RELN: variants seen among roughly 807,000 people sequenced by gnomAD.
RELN encodes the protein reelin.
Under a neutral mutation model 427.6 loss-of-function variants are expected in RELN, and 108 were observed. The ratio of observed to expected loss-of-function variants is 0.25; its 90% confidence interval spans 0.22 to 0.30. The LOEUF (loss-of-function observed/expected upper bound fraction) is 0.30, where lower values mean the gene tolerates loss of function less well. RELN is among the 10% of genes least tolerant of loss of function. The pLI is 1.00. For missense variants in RELN, 3,715 were observed against 4,302.8 expected, an observed-to-expected ratio of 0.86 and a Z score of 3.82; for synonymous variants, 1,524 against 1,513.4, an observed-to-expected ratio of 1.01 and a Z score of -0.16.
chr7:103,720,333 C>G (rs541589179), intron 8 of RELN, among the ~76,000 whole-genome samples: 1 of 151,968 alleles, frequency 6.6e-6, no homozygotes, highest in East Asian at 1.9e-4. Context: ...TGTTATGCAA[C>G]TGAAAATGTT....
At chr7:103,491,437 T>C (rs972594265) in intron 58 of RELN, among the ~76,000 whole-genome samples, 1 of 152,178 alleles carries the variant, frequency 6.6e-6, no homozygotes, top group Non-Finnish European at 1.5e-5. Context: ...AAATGGATTT[T>C]TTTGGTTTGA....
intron 2 of RELN, among the ~76,000 whole-genome samples, chr7:103,849,352 C>T (rs1233931702): frequency 6.6e-6 from 1 of 152,100 alleles, no homozygotes; most frequent in Non-Finnish European, 1.5e-5. Flanking sequence ...ATCCTTCTCA[C>T]CACTGCATTA....
chr7:103,626,232 G>A lies in RELN; in HGVS notation c.2702+3708C>T, dbSNP rs1319708818. Among the ~76,000 whole-genome samples the A allele has an allele frequency of 6.6e-6, 1 of 152,040 alleles. No individual in the cohort carries two copies. Among genetic ancestry groups the A allele is most frequent in the Non-Finnish European group, 1.5e-5 (1 of 67,974 alleles). ...CTTTAATTTTACAAGCTTCTAAGTG[G>A]CAGTGTGAGAATTTGAAATCAGGCC... On this transcript the variant is annotated intron_variant, in intron 20 of 64. Transcript: ENST00000428762. The surrounding 1 kb of genome is among the most constrained non-coding windows in gnomAD (Gnocchi z 4.4).
At chr7:103,868,452 A>G (rs535663030) in intron 2 of RELN, among the ~76,000 whole-genome samples, 15 of 152,206 alleles carry the variant, frequency 9.9e-5, no homozygotes, top group African/African-American at 2.9e-4. Flanking sequence ...GAAACTCCAC[A>G]TGAAATTGTT....
chr7:103,520,639 G>T (rs1829677861), intron 48 of RELN, among the ~76,000 whole-genome samples: 1 of 152,174 alleles, frequency 6.6e-6, no homozygotes, highest in Admixed American at 6.5e-5. Flanking sequence ...TAATTATACA[G>T]ATAATCTAAT....
chr7:103,503,346 C>T, intron 51 of RELN, 116 bp from the exon 52 acceptor site: 1 of 830,636 alleles, frequency 1.2e-6, no homozygotes, highest in Non-Finnish European at 2.0e-6. Context: ...CACATCCATC[C>T]TGTATTTTCA....
chr7:103,698,056 A>G lies in RELN; in HGVS notation c.940T>C (p.Tyr314His), dbSNP rs763000457. The change falls in exon 10 of 65, where the codon TAC becomes CAC. Residue 314 changes from tyrosine (Y) to histidine (H), a missense_variant. Tyr to His is a moderately conservative substitution (Grantham distance 83, BLOSUM62 2). Coordinates refer to ENST00000428762, the MANE Select transcript of RELN (RefSeq NM_005045.4). ...SNVSTIIHIL[Y>H]LPEDAKGENV... ...TCCCCTTTGGCGTCCTCAGGAAGGT[A>G]GAGGATATGGATGATTGTGCTGACA... 1.9e-6 allele frequency: 3 copies of G among 1,613,826 alleles called. No individual in the cohort carries two copies. The highest frequency in any genetic ancestry group is 2.5e-6 in the Non-Finnish European group (3 of 1,179,800).
rs537202055 is a variant in RELN at position 103,500,137 on chromosome 7, G to A, written c.8667+608C>T. On this transcript the variant is annotated intron_variant, in intron 53 of 64. Coordinates refer to ENST00000428762, the MANE Select transcript of RELN (RefSeq NM_005045.4). ...GTTATTGTAATGACAAATGCACTAT[G>A]TTTATTCACAGAAATAGAGTGCATA... is the stretch of plus-strand genomic sequence containing the variant. Among the ~76,000 whole-genome samples the A allele has an allele frequency of 7.2e-5, 11 of 152,260 alleles. No homozygotes were observed. In the South Asian group the frequency reaches 1.2e-3, roughly 17 times the overall value.
chr7:103,856,024 A>G (rs1793936048), intron 2 of RELN, among the ~76,000 whole-genome samples: 1 of 152,180 alleles, frequency 6.6e-6, no homozygotes, highest in Non-Finnish European at 1.5e-5. Context: ...GAACCCAAGG[A>G]ACTGCAGTGT....
At chr7:103,970,476 C>T (rs9632691) in intron 1 of RELN, among the ~76,000 whole-genome samples, 5 of 151,836 alleles carry the variant, frequency 3.3e-5, no homozygotes, top group Admixed American at 6.6e-5. Context: ...ATTTCTTTTT[C>T]TTTTTCTTTT....
intron 2 of RELN, among the ~76,000 whole-genome samples, chr7:103,888,281 A>G (rs1242650167): frequency 6.6e-6 from 1 of 151,900 alleles, no homozygotes; most frequent in East Asian, 1.9e-4. Flanking sequence ...CCTGAAATCA[A>G]GTAAGTATTT....
In RELN at chr7:103,872,526, G is replaced by A. The variant is rs113385191; in HGVS notation, c.338-38854C>T. Among the ~76,000 whole-genome samples, 812 of 118,798 alleles carry A rather than the reference G, an allele frequency of 6.8e-3. 3 individuals are homozygous for A. The highest frequency in any genetic ancestry group is 0.022 in the East Asian group (50 of 2,324). 77.9% of individuals were successfully genotyped at this position (118,798 alleles called of 152,430 possible). On this transcript the variant is annotated intron_variant, in intron 2 of 64. Transcript: ENST00000428762. ...GTGAATAATGCCACAATAAACATAC[G>A]TGTGCATGTGTCTTTATAGCGGCAT...
intron 51 of RELN, among the ~76,000 whole-genome samples, chr7:103,509,743 A>G (rs1046890306): frequency 6.6e-6 from 1 of 152,160 alleles, no homozygotes; most frequent in African/African-American, 2.4e-5. Flanking sequence ...TTTGCAATCT[A>G]TCCATCTGAC....
Position 103,651,763 on chromosome 7 carries a change from T to A in RELN, c.1790A>T (p.His597Leu). The A allele has an allele frequency of 1.9e-6, 3 of 1,611,764 alleles. No individual in the cohort carries two copies. Among genetic ancestry groups the A allele is most frequent in the Non-Finnish European group, 2.5e-6 (3 of 1,178,650 alleles). ...NSVSLEFSTNHGRSWSLLHTE... is the reference protein window; with the variant it reads ...NSVSLEFSTNLGRSWSLLHTE... The stretch of plus-strand genomic sequence containing the variant: ...GTGAAGGAGGGACCAGGAGCGCCCA[T>A]GGTTGGTAGAAAATTCCAAGCTGAC... Residue 597 changes from histidine to leucine, a missense_variant, in exon 15 of 65, where the codon CAT (histidine) becomes CTT (leucine). By Grantham distance (99) the His-to-Leu change is moderately conservative (BLOSUM62 -3). Around this residue, in one of 4 missense-constraint regions of RELN, gnomAD observed 2,208 missense variants for 2,361.7 expected, o/e 0.93. Coordinates refer to ENST00000428762, the MANE Select transcript of RELN (RefSeq NM_005045.4).
At chr7:103,676,066 C>T (rs1274376576) in intron 11 of RELN, among the ~76,000 whole-genome samples, 1 of 152,072 alleles carries the variant, frequency 6.6e-6, no homozygotes, top group Non-Finnish European at 1.5e-5. Context: ...AGAGTTTCTG[C>T]ACAACAAAAG....
chr7:103,779,340 G>C (rs1038413892), intron 3 of RELN, among the ~76,000 whole-genome samples: 35 of 152,144 alleles, frequency 2.3e-4, no homozygotes, highest in African/African-American at 7.5e-4. Flanking sequence ...GACATTATCT[G>C]AAGTCCCCTG....
intron 2 of RELN, among the ~76,000 whole-genome samples, chr7:103,836,569 C>G (rs1057139710): frequency 2.6e-5 from 4 of 152,300 alleles, no homozygotes; most frequent in African/African-American, 9.6e-5. Flanking sequence ...TTCTTGCCCC[C>G]ATGTCTTGCC....
intron 1 of RELN, among the ~76,000 whole-genome samples, chr7:103,951,139 T>C (rs1415991008): frequency 6.6e-6 from 1 of 152,116 alleles, no homozygotes; most frequent in Non-Finnish European, 1.5e-5. Flanking sequence ...CCATGTTTTT[T>C]AAATGAGTGG....
In RELN at chr7:103,606,026, C is replaced by T. The variant is rs185249311; in HGVS notation, c.3009-1543G>A. Among the ~76,000 whole-genome samples, 659 of 152,292 alleles carry T rather than the reference C, an allele frequency of 4.3e-3. 7 individuals are homozygous for T. The highest frequency in any genetic ancestry group is 0.015 in the African/African-American group (627 of 41,562). ...AGCCATCACAATATTCACAGTCCCACTAAGAAATGGTTTTTAGAAAAGCCT... is the reference window on the plus strand; with the variant it reads ...AGCCATCACAATATTCACAGTCCCATTAAGAAATGGTTTTTAGAAAAGCCT... On this transcript the variant is annotated intron_variant, in intron 22 of 64. Transcript: ENST00000428762.
Sources: gnomAD v4.1 joint callset for allele counts (sites outside exome capture counted in the v4.1 genomes callset) on GRCh38, gnomAD v4.1.1 for gene constraint, gnomAD v4.1.1 regional missense constraint, Gnocchi (gnomAD v3.1) non-coding constraint, MANE v1.5 for transcripts, NCBI Gene and HGNC (gene_info 2026-07-23, HGNC 2026-07-21) for gene names.